Variants in TSHZ2 observed in about 807,000 individuals in gnomAD.
TSHZ2 encodes the protein teashirt zinc finger homeobox 2, also known as teashirt homolog 2.
Under a neutral mutation model 74.4 loss-of-function variants are expected in TSHZ2, and 21 were observed. The observed-to-expected ratio is 0.28, with a 90% CI of 0.20 to 0.41. The LOEUF (loss-of-function observed/expected upper bound fraction) is 0.41. Among genes scored for constraint, TSHZ2 ranks in the 10% least tolerant of loss-of-function variants. The pLI is 1.00. For synonymous variants in TSHZ2, 540 were observed against 515.3 expected, an observed-to-expected ratio of 1.05 and a Z score of -0.65; for missense variants, 1,244 against 1,293.5, an observed-to-expected ratio of 0.96 and a Z score of 0.59.
chr20:53,202,900 G>C (rs1335933362), intron 1 of TSHZ2, among the ~76,000 whole-genome samples: 16 of 152,156 alleles, frequency 1.1e-4, no homozygotes, highest in Non-Finnish European at 2.9e-5. Context: ...TTTCAGGAGA[G>C]GGATCAGCCA....
At chr20:53,062,773 C>T (rs1984863066) in intron 1 of TSHZ2, among the ~76,000 whole-genome samples, 1 of 152,164 alleles carries the variant, frequency 6.6e-6, no homozygotes, top group Non-Finnish European at 1.5e-5. Flanking sequence ...TTCAAAAACT[C>T]TTTGTTGGCA....
intron 2 of TSHZ2, among the ~76,000 whole-genome samples, chr20:53,437,211 G>A (rs940475177): frequency 5.3e-5 from 8 of 152,132 alleles, no homozygotes; most frequent in East Asian, 1.9e-4. Context: ...AGTAGCTCAC[G>A]CCTGTAATTC....
Position 53,215,220 on chromosome 20 carries a change from G to C in TSHZ2, c.41-38279G>C, listed in dbSNP as rs1989407899. On this transcript the variant is annotated intron_variant, in intron 1 of 2. Coordinates refer to ENST00000371497, the MANE Select transcript of TSHZ2 (RefSeq NM_173485.6). ...CCACTTTTCCACGTGGCAAACACTG[G>C]TCTAAGTCCTTACAGCCCTGCCACA... Among the ~76,000 whole-genome samples, 4 of 152,090 alleles carry C rather than the reference G, an allele frequency of 2.6e-5. No homozygotes were observed. The South Asian group carries it at 8.3e-4, about 32-fold the overall frequency.
intron 2 of TSHZ2, among the ~76,000 whole-genome samples, chr20:53,333,830 C>T (rs1979831825): frequency 1.3e-5 from 2 of 152,212 alleles, no homozygotes; most frequent in Admixed American, 6.5e-5. Flanking sequence ...GCGACTGCAT[C>T]TCTAGCATGG....
intron 1 of TSHZ2, among the ~76,000 whole-genome samples, chr20:53,123,448 T>A (rs538455051): frequency 1.1e-4 from 17 of 152,320 alleles, no homozygotes; most frequent in African/African-American, 3.1e-4. Context: ...TTGGCTGATC[T>A]AGGACAGCCT....
chr20:53,114,552 T>C (rs1056132049), intron 1 of TSHZ2, among the ~76,000 whole-genome samples: 5 of 152,168 alleles, frequency 3.3e-5, no homozygotes, highest in Non-Finnish European at 7.4e-5. Context: ...TCAAATTACA[T>C]GTGTTGGGCA....
At chr20:53,072,656 A>AT in intron 1 of TSHZ2, among the ~76,000 whole-genome samples, 1 of 152,238 alleles carries the variant, frequency 6.6e-6, no homozygotes, top group African/African-American at 2.4e-5. Flanking sequence ...ATTTGGCTTC[A>AT]TTTTCTCCTT....
intron 1 of TSHZ2, among the ~76,000 whole-genome samples, chr20:53,095,243 G>A (rs147325190): frequency 5.3e-4 from 81 of 152,306 alleles, no homozygotes; most frequent in African/African-American, 1.6e-3. Flanking sequence ...TCTCCTCGTG[G>A]TAACCAGGTG....
At chr20:53,171,069 T>C (rs544491546) in intron 1 of TSHZ2, among the ~76,000 whole-genome samples, 1 of 152,354 alleles carries the variant, frequency 6.6e-6, no homozygotes, top group South Asian at 2.1e-4. Flanking sequence ...CATCTCTTAC[T>C]TAAATGTATC....
intron 1 of TSHZ2, among the ~76,000 whole-genome samples, chr20:53,170,612 C>G (rs1314950826): frequency 6.6e-6 from 1 of 152,232 alleles, no homozygotes; most frequent in East Asian, 1.9e-4. Context: ...TAGCACCTCT[C>G]CCCCAGGTTG....
At chr20:53,370,610 A>G (rs960882706) in intron 2 of TSHZ2, among the ~76,000 whole-genome samples, 9 of 152,038 alleles carry the variant, frequency 5.9e-5, no homozygotes, top group Non-Finnish European at 2.9e-5. Context: ...AAAAATTTTT[A>G]AAAATTAGCC....
At chr20:53,380,390 G>A (rs1981815923) in intron 2 of TSHZ2, among the ~76,000 whole-genome samples, 1 of 152,086 alleles carries the variant, frequency 6.6e-6, no homozygotes, top group Admixed American at 6.5e-5. Flanking sequence ...TTAGAATGAG[G>A]TGAAGTTTTT....
At chr20:53,045,291 G>T (rs1020213052) in intron 1 of TSHZ2, among the ~76,000 whole-genome samples, 4 of 152,154 alleles carry the variant, frequency 2.6e-5, no homozygotes, top group Non-Finnish European at 5.9e-5. Flanking sequence ...TCAACCTTCC[G>T]TGATTTCAAA....
At chr20:53,123,013 A>C (rs953198367) in intron 1 of TSHZ2, among the ~76,000 whole-genome samples, 1 of 152,182 alleles carries the variant, frequency 6.6e-6, no homozygotes, top group African/African-American at 2.4e-5. Flanking sequence ...CTTCCCTGAC[A>C]TAAGAAGCAC....
chr20:53,339,905 A>G (rs1980110861), intron 2 of TSHZ2, among the ~76,000 whole-genome samples: 1 of 152,170 alleles, frequency 6.6e-6, no homozygotes, highest in African/African-American at 2.4e-5. Flanking sequence ...CTCACTTCCC[A>G]GCCCACCTGC....
chr20:53,118,923 G>A (rs1480379202), intron 1 of TSHZ2, among the ~76,000 whole-genome samples: 7 of 152,146 alleles, frequency 4.6e-5, no homozygotes, highest in African/African-American at 1.7e-4. Flanking sequence ...AGATGAAGGG[G>A]GAGAACACAT....
At chr20:53,127,385 A>G (rs1188493160) in intron 1 of TSHZ2, among the ~76,000 whole-genome samples, 2 of 152,242 alleles carry the variant, frequency 1.3e-5, no homozygotes, top group Admixed American at 1.3e-4. Context: ...AAATAAAAAC[A>G]TTGTAACAAG....
intron 2 of TSHZ2, among the ~76,000 whole-genome samples, chr20:53,441,275 AT>A (rs1469991178): frequency 8.5e-6 from 1 of 117,646 alleles, no homozygotes; most frequent in Non-Finnish European, 1.9e-5. Flanking sequence ...ATTTTATTTT[AT>A]TTATTTTGAG....
chr20:53,283,834 A>G (rs1327647197), intron 2 of TSHZ2, among the ~76,000 whole-genome samples: 1 of 152,188 alleles, frequency 6.6e-6, no homozygotes, highest in Non-Finnish European at 1.5e-5. Flanking sequence ...CTCCAAGATA[A>G]ACAGATTAAC....
Sources: gnomAD v4.1 joint callset for allele counts (sites outside exome capture counted in the v4.1 genomes callset) on GRCh38, gnomAD v4.1.1 for gene constraint, MANE v1.5 for transcripts, NCBI Gene and HGNC (gene_info 2026-07-23, HGNC 2026-07-21) for gene names.